TOP6BL: variants seen among roughly 807,000 people sequenced by gnomAD.
TOP6BL encodes TOP6B like initiator of meiotic double strand breaks.
the TOP6BL span, among the ~76,000 whole-genome samples, chr11:66,753,435 C>G: frequency 7.1e-6 from 1 of 140,682 alleles, no homozygotes; most frequent in East Asian, 2.1e-4. Flanking sequence ...GAGACAGAGT[C>G]TCACTCTGTC....
the TOP6BL span, among the ~76,000 whole-genome samples, chr11:66,820,211 C>T: frequency 6.6e-6 from 1 of 152,196 alleles, no homozygotes; most frequent in Non-Finnish European, 1.5e-5. Context: ...CTATGTTCTC[C>T]CTGACTCCAG....
the TOP6BL span, among the ~76,000 whole-genome samples, chr11:66,833,040 C>CTTTTTTTTTT: frequency 8.5e-6 from 1 of 117,266 alleles, no homozygotes; most frequent in Non-Finnish European, 1.7e-5. Flanking sequence ...ATCTTTCTGC[C>CTTTTTTTTTT]TTTTTTTTTT....
At chr11:66,783,129 C>A in the TOP6BL span, among the ~76,000 whole-genome samples, 1 of 152,080 alleles carries the variant, frequency 6.6e-6, no homozygotes, top group Non-Finnish European at 1.5e-5. Flanking sequence ...GAAGATCTCT[C>A]GAGACCAGCC....
chr11:66,758,215 T>G, the TOP6BL span: 1 of 790,544 alleles, frequency 1.3e-6, no homozygotes, highest in Non-Finnish European at 1.5e-6. Context: ...CTGTCTACCC[T>G]GAATAATTAT....
the TOP6BL span, among the ~76,000 whole-genome samples, chr11:66,817,696 C>A: frequency 1.3e-5 from 2 of 152,032 alleles, no homozygotes; most frequent in African/African-American, 4.8e-5. Flanking sequence ...CTCAGCCCCC[C>A]AAAGTACTGG....
the TOP6BL span, among the ~76,000 whole-genome samples, chr11:66,837,882 A>T: frequency 6.6e-6 from 1 of 152,184 alleles, no homozygotes; most frequent in East Asian, 1.9e-4. Context: ...CCAGTGTGGC[A>T]GGGCTCTAGG....
At chr11:66,787,938 A>G in the TOP6BL span, among the ~76,000 whole-genome samples, 9 of 152,358 alleles carry the variant, frequency 5.9e-5, no homozygotes, top group African/African-American at 2.2e-4. Flanking sequence ...AAATGTAAAA[A>G]ATTGAAAAGA....
At chr11:66,830,684 C>G in the TOP6BL span, among the ~76,000 whole-genome samples, 1 of 152,130 alleles carries the variant, frequency 6.6e-6, no homozygotes, top group Non-Finnish European at 1.5e-5. Context: ...CAAATTATCA[C>G]TATCAGAAAT....
At chr11:66,842,871 CAAG>C in the TOP6BL span, 2 of 1,572,088 alleles carry the variant, frequency 1.3e-6, no homozygotes, top group Non-Finnish European at 1.7e-6. Flanking sequence ...AAGCAGAAAA[CAAG>C]AGGCTCAAGA....
the TOP6BL span, among the ~76,000 whole-genome samples, chr11:66,751,263 C>T: frequency 6.6e-6 from 1 of 152,088 alleles, no homozygotes; most frequent in Non-Finnish European, 1.5e-5. Context: ...GCCAGGATCT[C>T]GGCTGGCTGC....
At chr11:66,835,620 C>G in the TOP6BL span, among the ~76,000 whole-genome samples, 3 of 152,352 alleles carry the variant, frequency 2.0e-5, no homozygotes, top group South Asian at 4.1e-4. Flanking sequence ...CTTCCCATCT[C>G]TGTGGATTTG....
chr11:66,746,773 G>A, the TOP6BL span, among the ~76,000 whole-genome samples: 1 of 151,782 alleles, frequency 6.6e-6, no homozygotes, highest in Non-Finnish European at 1.5e-5. Flanking sequence ...CTACCTGGGA[G>A]GCTGAGGTGG....
the TOP6BL span, among the ~76,000 whole-genome samples, chr11:66,794,295 A>C: frequency 6.6e-6 from 1 of 151,834 alleles, no homozygotes; most frequent in African/African-American, 2.4e-5. Context: ...ATAAAAACCT[A>C]CTGATTTCTG....
At chr11:66,799,425 G>C in the TOP6BL span, among the ~76,000 whole-genome samples, 22 of 151,448 alleles carry the variant, frequency 1.5e-4, no homozygotes, top group South Asian at 1.9e-3. Flanking sequence ...GGCTGAGCAC[G>C]GTGGCTCATG....
the TOP6BL span, among the ~76,000 whole-genome samples, chr11:66,751,015 T>C: frequency 1.3e-5 from 2 of 148,812 alleles, no homozygotes; most frequent in African/African-American, 5.0e-5. Flanking sequence ...AAGATGTTAT[T>C]TATTTATTTA....
chr11:66,795,439 T>A, the TOP6BL span, among the ~76,000 whole-genome samples: 1 of 151,734 alleles, frequency 6.6e-6, no homozygotes, highest in African/African-American at 2.4e-5. Context: ...GTAGCTGGGA[T>A]TGCAGGCGCA....
chr11:66,762,394 C>A, the TOP6BL span: 1 of 355,822 alleles, frequency 2.8e-6, no homozygotes, highest in South Asian at 2.5e-5. Context: ...GCAGCAGTGG[C>A]AGCATGGCGG....
chr11:66,806,136 A>G, the TOP6BL span, among the ~76,000 whole-genome samples: 1 of 152,170 alleles, frequency 6.6e-6, no homozygotes, highest in Non-Finnish European at 1.5e-5. Context: ...AGTTTCCTCC[A>G]TAGGTAAGAG....
chr11:66,790,688 A>G, the TOP6BL span, among the ~76,000 whole-genome samples: 20 of 152,198 alleles, frequency 1.3e-4, no homozygotes, highest in South Asian at 2.1e-4. Flanking sequence ...AGAGTGGGAC[A>G]TTTCAATTTA....
Sources: allele counts gnomAD v4.1 joint callset (sites outside exome capture counted in the v4.1 genomes callset), GRCh38; gene constraint gnomAD v4.1.1; transcripts MANE v1.5; gene names NCBI Gene and HGNC (gene_info 2026-07-23, HGNC 2026-07-21).